Variants in CEP44 observed in about 807,000 individuals in gnomAD.
CEP44 encodes centrosomal protein 44, also known as centrosomal protein of 44 kDa.
In CEP44, 45 loss-of-function variants were observed where a neutral mutation model predicts 46.7. The ratio of observed to expected loss-of-function variants is 0.96; its 90% CI spans 0.76 to 1.24. CEP44 has a LOEUF of 1.24. Ranked by LOEUF, CEP44 falls within the 50% of genes most tolerant of loss-of-function variation. The pLI is 0.00. For synonymous variants in CEP44, 142 were observed against 146.0 expected (o/e 0.97, Z 0.20); for missense variants, 475 against 459.7 (o/e 1.03, Z -0.30).
intron 1 of CEP44, chr4:174,284,225 G>C (rs1357645506): frequency 2.5e-6 from 1 of 397,332 alleles, no homozygotes; most frequent in Non-Finnish European, 4.4e-6. Context: ...ACCCCGGGCG[G>C]AGACGAATGA....
intron 6 of CEP44, 105 bp downstream of exon 6, chr4:174,304,474 A>G (rs1740151407): frequency 1.4e-6 from 2 of 1,443,490 alleles, no homozygotes; most frequent in Admixed American, 5.6e-5. Context: ...TTCTAGTTAG[A>G]TATTGGAGTT....
intron 6 of CEP44, among the ~76,000 whole-genome samples, chr4:174,306,101 C>T (rs1740365834): frequency 6.6e-6 from 1 of 151,828 alleles, no homozygotes; most frequent in South Asian, 2.1e-4. Context: ...ATCCCAGTGC[C>T]TTATATAGTA....
chr4:174,327,161 G>T (rs945983248), intron 8 of CEP44, among the ~76,000 whole-genome samples: 1 of 147,316 alleles, frequency 6.8e-6, no homozygotes, highest in African/African-American at 2.5e-5. Context: ...ATACGTGTGT[G>T]TGTGTATATA....
chr4:174,292,855 T>C (rs1738395011), intron 1 of CEP44, among the ~76,000 whole-genome samples: 1 of 152,232 alleles, frequency 6.6e-6, no homozygotes. Flanking sequence ...TTTTGAATTC[T>C]TTGTCAAGCA....
At position 174,288,939 on chromosome 4, in the gene CEP44, T is replaced by A. The variant is rs939068522; in HGVS notation, c.-148+4996T>A. On this transcript the variant is annotated intron_variant, in intron 1 of 11. Coordinates refer to ENST00000503780, the MANE Select transcript of CEP44 (RefSeq NM_001040157.3). The surrounding 1 kb of genome is among the most constrained non-coding windows in gnomAD (Gnocchi z 4.6). ...CCTAATTTGCTATAAGGTTCTTCCA[T>A]ACCTAGTTTATTGGGAGTTTTTATC... 6.6e-6 allele frequency among the ~76,000 whole-genome samples: 1 copy of A among 152,186 alleles called. No individual in the cohort carries two copies. The highest frequency in any genetic ancestry group is 1.5e-5 in the Non-Finnish European group (1 of 68,020).
chr4:174,288,355 C>T lies in CEP44; in HGVS notation c.-148+4412C>T, dbSNP rs1737790069. On this transcript the variant is annotated intron_variant, in intron 1 of 11. Coordinates refer to ENST00000503780, the MANE Select transcript of CEP44 (RefSeq NM_001040157.3). This position sits in a 1 kb window ranked among gnomAD's most constrained non-coding sequence, Gnocchi z 4.6. ...AGAATACAATATTGCTAATCACAGACACTGGGTTGTACCTGCAGATCTTAT... is the reference window on the plus strand; with the variant it reads ...AGAATACAATATTGCTAATCACAGATACTGGGTTGTACCTGCAGATCTTAT... 1.3e-5 allele frequency among the ~76,000 whole-genome samples: 2 copies of T among 152,108 alleles called. No individual in the cohort carries two copies. Among genetic ancestry groups the T allele is most frequent in the Non-Finnish European group, 2.9e-5 (2 of 68,014 alleles).
intron 2 of CEP44, 91 bp downstream of exon 2, chr4:174,298,153 C>T (rs1190082654): frequency 4.7e-5 from 7 of 148,558 alleles, no homozygotes; most frequent in African/African-American, 1.7e-4. Context: ...TTCTTTTTGT[C>T]CTGGTGGGTA....
chr4:174,305,954 T>G (rs1186585230), intron 6 of CEP44, among the ~76,000 whole-genome samples: 1 of 152,198 alleles, frequency 6.6e-6, no homozygotes, highest in Non-Finnish European at 1.5e-5. Flanking sequence ...TTCTTTGTTA[T>G]CTATTAAAAT....
intron 8 of CEP44, among the ~76,000 whole-genome samples, chr4:174,328,095 T>C (rs1049506259): frequency 2.0e-5 from 3 of 151,962 alleles, no homozygotes; most frequent in African/African-American, 7.3e-5. Context: ...CCCAAATAGG[T>C]GTCAGAAAGC....
rs1396598997 is a variant in CEP44 at position 174,314,251 on chromosome 4, C to T, written c.962-1915C>T. 6.6e-6 allele frequency among the ~76,000 whole-genome samples: 1 copy of T among 152,176 alleles called. No individual in the cohort carries two copies. Among genetic ancestry groups the T allele is most frequent in the Non-Finnish European group, 1.5e-5 (1 of 68,008 alleles). ...TGTGTCAGTGGCCATTGCCTTTCCC[C>T]TTTCCTTTCCAACCTGAACTCAGTT... is the stretch of plus-strand genomic sequence containing the variant. On this transcript the variant is annotated intron_variant, in intron 9 of 11. Coordinates refer to ENST00000503780, the MANE Select transcript of CEP44 (RefSeq NM_001040157.3). The surrounding 1 kb of genome is among the most constrained non-coding windows in gnomAD (Gnocchi z 4.1).
intron 4 of CEP44, among the ~76,000 whole-genome samples, chr4:174,303,064 G>T (rs554242433): frequency 1.1e-3 from 167 of 152,238 alleles, no homozygotes; most frequent in Admixed American, 2.6e-3. Flanking sequence ...ACAGGCATGA[G>T]CCACCGCACC....
At position 174,319,209 on chromosome 4, in the gene CEP44, C is replaced by G. The variant is rs187303854; in HGVS notation, c.*1826C>G. 201 of 970,162 alleles carry G rather than the reference C, an allele frequency of 2.1e-4. No homozygotes were observed. Among genetic ancestry groups the G allele is most frequent in the Admixed American group, 6.2e-4 (10 of 16,254 alleles). The allele number at this position is 970,162 out of a possible 1,614,324, so 60.1% of individuals were successfully genotyped here. A position where few individuals can be genotyped will look rare whatever the true frequency, so the allele number is the denominator to read the frequency against. ...TTTAACAGAGTTTCAGTAAATATTT[C>G]CAGAATTAATGAAGCATGTTAGCTT... On this transcript the variant is annotated 3_prime_UTR_variant, in exon 12 of 12. Transcript: ENST00000503780.
In CEP44 at chr4:174,309,843, T is replaced by C; in HGVS notation, c.679-7T>C. ...AATTTTATTTTTAATCTCTCTAACC[T>C]TTTTAGGATGTAAATGTTAATCCTG... On this transcript the variant is annotated splice_polypyrimidine_tract_variant and splice_region_variant and intron_variant, in intron 7 of 11. Coordinates refer to ENST00000503780, the MANE Select transcript of CEP44 (RefSeq NM_001040157.3). The surrounding 1 kb of genome is among the most constrained non-coding windows in gnomAD (Gnocchi z 5.3). 3.2e-6 allele frequency: 5 copies of C among 1,571,012 alleles called. No homozygotes were observed. The highest frequency in any genetic ancestry group is 1.7e-5 in the Admixed American group (1 of 57,956).
rs781033757 is a variant in CEP44 at position 174,316,191 on chromosome 4, A to G, written c.987A>G (p.Pro329=). Residue 329 remains proline, a synonymous_variant, in exon 10 of 12, where the codon CCA becomes CCG. Transcript: ENST00000503780. ...ACAGAAAAAGCGAAGTAGAGAGGCC[A>G]GCAAGTATTCCTCTGTCCTCTGGCT... is the stretch of plus-strand genomic sequence containing the variant. ...NPHRKSEVER[P]ASIPLSSGYS... is the part of the protein sequence containing the mutation. The G allele has an allele frequency of 1.2e-6, 2 of 1,613,814 alleles. No individual in the cohort carries two copies. Among genetic ancestry groups the G allele is most frequent in the East Asian group, 2.2e-5 (1 of 44,830 alleles).
chr4:174,288,129 ATGATTGACATACAGAAAG>A lies in CEP44; in HGVS notation c.-148+4187_-148+4204del, dbSNP rs1337815096. 6.6e-6 allele frequency among the ~76,000 whole-genome samples: 1 copy of A among 152,186 alleles called. No individual in the cohort carries two copies. The highest frequency in any genetic ancestry group is 1.9e-4 in the East Asian group (1 of 5,186). ...CATTTTTTAACCTGTTTATTGCGGT[ATGATTGACATACAGAAAG>A]CTATAGACATTTAATGTATACAGTT... On this transcript the variant is annotated intron_variant, in intron 1 of 11. Transcript: ENST00000503780. This position sits in a 1 kb window ranked among gnomAD's most constrained non-coding sequence, Gnocchi z 4.6.
rs766241793 is a variant in CEP44 at position 174,290,619 on chromosome 4, A to G, written c.-148+6676A>G. Reference sequence around the variant, plus strand: ...GGTATTCTGTCCGGATGACCAGTACATTATAGACAGTGACGTATCAAAGTC... The same window carrying G: ...GGTATTCTGTCCGGATGACCAGTACGTTATAGACAGTGACGTATCAAAGTC... On this transcript the variant is annotated intron_variant, in intron 1 of 11. Transcript: ENST00000503780. This position sits in a 1 kb window ranked among gnomAD's most constrained non-coding sequence, Gnocchi z 4.3. Among the ~76,000 whole-genome samples, 3 of 152,110 alleles carry G rather than the reference A, an allele frequency of 2.0e-5. No homozygotes were observed. Among genetic ancestry groups the G allele is most frequent in the Non-Finnish European group, 4.4e-5 (3 of 67,998 alleles).
intron 1 of CEP44, among the ~76,000 whole-genome samples, chr4:174,295,009 G>A: frequency 7.4e-6 from 1 of 135,916 alleles, no homozygotes; most frequent in South Asian, 2.3e-4. Flanking sequence ...TCCCGGATGG[G>A]ACGGCTGGCC....
At chr4:174,298,847 A>T (rs1165017063) in intron 2 of CEP44, among the ~76,000 whole-genome samples, 1 of 152,142 alleles carries the variant, frequency 6.6e-6, no homozygotes, top group East Asian at 1.9e-4. Context: ...AGGCAAACTT[A>T]TTTTTTTGGG....
chr4:174,289,837 CTT>C (rs201413595), intron 1 of CEP44, among the ~76,000 whole-genome samples: 2 of 142,758 alleles, frequency 1.4e-5, no homozygotes, highest in Middle Eastern at 3.7e-3. Context: ...TTATTGAGAC[CTT>C]TTTTTTTTTT....
Sources: allele counts gnomAD v4.1 joint callset (sites outside exome capture counted in the v4.1 genomes callset), GRCh38; gene constraint gnomAD v4.1.1; non-coding constraint Gnocchi (gnomAD v3.1); transcripts MANE v1.5; gene names NCBI Gene and HGNC (gene_info 2026-07-23, HGNC 2026-07-21).